The following MAST1 variants were observed in gnomAD, a reference collection of about 807,000 sequenced individuals.
The protein encoded by MAST1 is microtubule-associated serine/threonine-protein kinase 1.
In MAST1, 40 loss-of-function variants were observed where a neutral mutation model predicts 124.6. The observed-to-expected ratio is 0.32, with a 90% CI of 0.25 to 0.42. MAST1 has a LOEUF of 0.42. Among genes scored for constraint, MAST1 ranks in the 10% least tolerant of loss-of-function variants. The pLI, the probability that MAST1 is intolerant of heterozygous loss-of-function variation, is 1.00. For synonymous variants in MAST1, 938 were observed against 939.4 expected (o/e 1.00, Z 0.03); for missense variants, 1,558 against 2,181.9 (o/e 0.71, Z 5.70).
At position 12,841,023 on chromosome 19, in the gene MAST1, T is replaced by TC. The variant is rs1380941808; in HGVS notation, c.210dup (p.Asn71GlnfsTer167). The TC allele has an allele frequency of 2.0e-6, 3 of 1,485,358 alleles. No individual in the cohort carries two copies. Among genetic ancestry groups the TC allele is most frequent in the Non-Finnish European group, 1.9e-6 (2 of 1,062,738 alleles). 92.0% of individuals were successfully genotyped at this position (1,485,358 alleles called of 1,614,324 possible). On this transcript the variant is annotated frameshift_variant, in exon 3 of 26. Coordinates refer to ENST00000251472, the MANE Select transcript of MAST1 (RefSeq NM_014975.3). LOFTEE classifies it high-confidence loss of function. This position sits in a 1 kb window ranked among gnomAD's most constrained non-coding sequence, Gnocchi z 4.3. Reference sequence around the variant, plus strand: ...TCCCCTGGACAGCCCCCGAAACTTCTCCCCCAACACCCCCGCCCACTTCTC... The same window carrying TC: ...TCCCCTGGACAGCCCCCGAAACTTCTCCCCCCAACACCCCCGCCCACTTCTC...
chr19:12,872,186 C>T (rs1221719635), intron 24 of MAST1, among the ~76,000 whole-genome samples: 1 of 152,128 alleles, frequency 6.6e-6, no homozygotes, highest in African/African-American at 2.4e-5. Flanking sequence ...AAGGTTCAGC[C>T]AACTGAAATC....
At position 12,874,894 on chromosome 19, in the gene MAST1, C is replaced by T. The variant is rs753797261; in HGVS notation, c.*24C>T. 8 of 1,578,318 alleles carry T rather than the reference C, an allele frequency of 5.1e-6. No individual in the cohort carries two copies. Among genetic ancestry groups the T allele is most frequent in the Middle Eastern group, 1.7e-4 (1 of 6,042 alleles). On this transcript the variant is annotated 3_prime_UTR_variant, in exon 26 of 26. Transcript: ENST00000251472. This position sits in a 1 kb window ranked among gnomAD's most constrained non-coding sequence, Gnocchi z 6.6. ...AGCCAAGGGGGTCATCGGCCCCGCG[C>T]TGTACAGCCTCCGTATACATATGTA...
rs1970225437 is a variant in MAST1, at chr19:12,870,889, G to T, written c.3069G>T (p.Val1023=). The stretch of plus-strand genomic sequence containing the variant: ...GTGCTGGGGACCTCATCACCCACGT[G>T]AATGGGGAGCCTGTGCATGGCATGG... The part of the protein sequence containing the change: ...GLCAGDLITH[V]NGEPVHGMVH... Residue 1023 remains valine, a synonymous_variant, in exon 23 of 26, where the codon GTG becomes GTT. Transcript: ENST00000251472. 1 of 1,613,944 alleles carries T rather than the reference G, an allele frequency of 6.2e-7. No individual in the cohort carries two copies. Among genetic ancestry groups the T allele is most frequent in the Admixed American group, 1.7e-5 (1 of 59,990 alleles).
At chr19:12,840,407 G>GCGGCC in intron 1 of MAST1, 39 bp from the exon 2 acceptor site, 2 of 1,383,066 alleles carry the variant, frequency 1.4e-6, no homozygotes, top group Non-Finnish European at 2.0e-6. Flanking sequence ...TCACTGGGCT[G>GCGGCC]CGGCCCGGCC....
Position 12,868,699 on chromosome 19 carries a change from G to A in MAST1, c.2623G>A (p.Gly875Ser). Reference protein sequence around the residue: ...CPPSKDGDASGPRATNDLVLR... With the variant: ...CPPSKDGDASSPRATNDLVLR... ...ACCCTCGAAGGATGGGGATGCATCAGGCCCAAGGGCTACCAATGACTTGGT... is the reference window on the plus strand; with the variant it reads ...ACCCTCGAAGGATGGGGATGCATCAAGCCCAAGGGCTACCAATGACTTGGT... The change falls in exon 21 of 26, where the codon GGC becomes AGC. Residue 875 changes from glycine (G) to serine (S), a missense_variant. By Grantham distance (56) the Gly-to-Ser change is moderately conservative. Transcript: ENST00000251472. 2 of 1,612,814 alleles carry A rather than the reference G, an allele frequency of 1.2e-6. No homozygotes were observed. The highest frequency in any genetic ancestry group is 1.7e-6 in the Non-Finnish European group (2 of 1,179,138).
Position 12,865,803 on chromosome 19 carries a change from G to C in MAST1, c.1891G>C (p.Val631Leu). The change falls in exon 16 of 26, where the codon GTC (valine) becomes CTC (leucine). Residue 631 changes from valine (V) to leucine (L), a missense_variant. Physicochemically the swap from Val to Leu is conservative, Grantham distance 32 (BLOSUM62 1). Transcript: ENST00000251472. The surrounding 1 kb of genome is among the most constrained non-coding windows in gnomAD (Gnocchi z 7.1). ...CAGCCTCCTGCAGACCAACCCTCTGGTCAGGCTTGGGGCAGGTAAGTCCGC... is the reference window on the plus strand; with the variant it reads ...CAGCCTCCTGCAGACCAACCCTCTGCTCAGGCTTGGGGCAGGTAAGTCCGC... ...ISSLLQTNPL[V>L]RLGAGGAFEV... 6.2e-7 allele frequency: 1 copy of C among 1,613,736 alleles called. No individual in the cohort carries two copies. The highest frequency in any genetic ancestry group is 8.5e-7 in the Non-Finnish European group (1 of 1,179,878).
Position 12,874,580 on chromosome 19 carries a change from C to A in MAST1, c.4423C>A (p.Arg1475=). ...PLAPSVPEAP[R]GRERWVLEVV... ...GGCGCCTTCCGTGCCCGAGGCCCCC[C>A]GGGGCCGGGAGCGCTGGGTGTTGGA... is the stretch of plus-strand genomic sequence containing the variant. Residue 1475 remains arginine, a synonymous_variant, in exon 26 of 26, where the codon CGG becomes AGG. Transcript: ENST00000251472. This position sits in a 1 kb window ranked among gnomAD's most constrained non-coding sequence, Gnocchi z 6.6. 1 of 1,507,604 alleles carries A rather than the reference C, an allele frequency of 6.6e-7. No homozygotes were observed. The allele number at this position is 1,507,604 out of a possible 1,614,324, so 93.4% of individuals were successfully genotyped here. A position where few individuals can be genotyped will look rare whatever the true frequency, so the allele number is the denominator to read the frequency against.
chr19:12,838,580 A>T lies in MAST1; in HGVS notation c.8A>T (p.Asp3Val). The T allele has an allele frequency of 1.3e-6, 2 of 1,582,054 alleles. No homozygotes were observed. Among genetic ancestry groups the T allele is most frequent in the Non-Finnish European group, 8.6e-7 (1 of 1,166,386 alleles). ...TGTCGCCGCCGCCGGGTCATGTCTG[A>T]CTCTCTCTGGACCGCGCTTTCTAAT... MS[D>V]SLWTALSNFS... The change falls in exon 1 of 26, where the codon GAC becomes GTC. Residue 3 changes from aspartate to valine, a missense_variant. Coordinates refer to ENST00000251472, the MANE Select transcript of MAST1 (RefSeq NM_014975.3). This position sits in a 1 kb window ranked among gnomAD's most constrained non-coding sequence, Gnocchi z 4.3.
chr19:12,853,423 G>A (rs971023625), intron 10 of MAST1, among the ~76,000 whole-genome samples: 3 of 151,704 alleles, frequency 2.0e-5, no homozygotes, highest in African/African-American at 7.3e-5. Flanking sequence ...GGGCGTGGTG[G>A]TGCACCCCTG....
At position 12,866,579 on chromosome 19, in the gene MAST1, G is replaced by A; in HGVS notation, c.2030-74G>A. ...GACTTGTAAACCCGTCTTGAACCAG[G>A]ACTGGGCTCCTGTGGGGATGTGATA... On this transcript the variant is annotated intron_variant, in intron 17 of 25. Transcript: ENST00000251472. This position sits in a 1 kb window ranked among gnomAD's most constrained non-coding sequence, Gnocchi z 5.2. The A allele has an allele frequency of 1.3e-5, 12 of 956,330 alleles. 1 individual carries two copies. In the South Asian group the frequency reaches 1.7e-4, roughly 13 times the overall value. The allele number at this position is 956,330 out of a possible 1,614,324, so 59.2% of individuals were successfully genotyped here. A position where few individuals can be genotyped will look rare whatever the true frequency, so the allele number is the denominator to read the frequency against.
At chr19:12,869,330 T>A in intron 22 of MAST1, 35 bp downstream of exon 22, 1 of 1,567,520 alleles carries the variant, frequency 6.4e-7, no homozygotes, top group Non-Finnish European at 8.7e-7. Flanking sequence ...CATCACAGAG[T>A]GGAGGGTGGT....
chr19:12,854,518 G>A (rs1969998409), intron 10 of MAST1, among the ~76,000 whole-genome samples: 1 of 152,182 alleles, frequency 6.6e-6, no homozygotes, highest in Non-Finnish European at 1.5e-5. Context: ...GTTTATCCAT[G>A]TTGTAGCTTG....
Position 12,867,863 on chromosome 19 carries a change from C to A in MAST1, c.2452C>A (p.Arg818=), listed in dbSNP as rs1299610161. The A allele has an allele frequency of 1.2e-6, 2 of 1,607,058 alleles. No individual in the cohort carries two copies. The highest frequency in any genetic ancestry group is 4.5e-5 in the East Asian group (2 of 44,608). Reference sequence around the variant, plus strand: ...CCCCCAAGAGGACGAGGATGAGGCCCGGCTGCGCAGGCCTCCCCGGCCCAG... The same window carrying A: ...CCCCCAAGAGGACGAGGATGAGGCCAGGCTGCGCAGGCCTCCCCGGCCCAG... ...SAPQEDEDEA[R]LRRPPRPSSD... The change falls in exon 20 of 26, where the codon CGG becomes AGG. Residue 818 remains arginine (R), a synonymous_variant. Coordinates refer to ENST00000251472, the MANE Select transcript of MAST1 (RefSeq NM_014975.3).
rs756392687 is a variant in MAST1, at chr19:12,843,531, C to T, written c.251C>T (p.Ala84Val). The T allele has an allele frequency of 6.2e-6, 10 of 1,613,120 alleles. No individual in the cohort carries two copies. The highest frequency in any genetic ancestry group is 2.2e-5 in the East Asian group (1 of 44,838). ...AHFSFASSRR[A>V]DGRRWSLASL... ...TGAGCACCTTGGCTGGGTTCCAGGGCGGACGGACGCCGGTGGTCTCTGGCC... is the reference window on the plus strand; with the variant it reads ...TGAGCACCTTGGCTGGGTTCCAGGGTGGACGGACGCCGGTGGTCTCTGGCC... The change falls in exon 4 of 26, where the codon GCG becomes GTG. Residue 84 changes from alanine (A) to valine (V), a missense_variant and splice_region_variant. This residue lies in a region of MAST1 where 165 missense variants were observed against 315.3 expected (regional missense o/e 0.52). Coordinates refer to ENST00000251472, the MANE Select transcript of MAST1 (RefSeq NM_014975.3). The surrounding 1 kb of genome is among the most constrained non-coding windows in gnomAD (Gnocchi z 4.9).
rs1487034273 is a variant in MAST1, at chr19:12,874,032, C to T, written c.3875C>T (p.Pro1292Leu). The T allele has an allele frequency of 6.2e-7, 1 of 1,605,418 alleles. No homozygotes were observed. The highest frequency in any genetic ancestry group is 1.3e-5 in the African/African-American group (1 of 75,042). ...AAACACAGCCTCGAGGTGGGCCACCCGGATTTCCGCAAGGACTTCCATGGC... is the reference window on the plus strand; with the variant it reads ...AAACACAGCCTCGAGGTGGGCCACCTGGATTTCCGCAAGGACTTCCATGGC... ...LRKHSLEVGH[P>L]DFRKDFHGEL... The change falls in exon 26 of 26, where the codon CCG (proline) becomes CTG (leucine). Residue 1292 changes from proline to leucine, a missense_variant. Physicochemically the swap from Pro to Leu is moderately conservative, Grantham distance 98. Coordinates refer to ENST00000251472, the MANE Select transcript of MAST1 (RefSeq NM_014975.3). The surrounding 1 kb of genome is among the most constrained non-coding windows in gnomAD (Gnocchi z 6.6).
At chr19:12,854,498 C>T (rs749080582) in intron 10 of MAST1, among the ~76,000 whole-genome samples, 70 of 152,238 alleles carry the variant, frequency 4.6e-4, no homozygotes, top group African/African-American at 1.4e-3. Flanking sequence ...CTTAACATAA[C>T]GTTTCTGAGG....
chr19:12,868,101 G>A (rs1197676195), intron 20 of MAST1, 124 bp downstream of exon 20: 1 of 684,874 alleles, frequency 1.5e-6, no homozygotes, highest in Non-Finnish European at 1.9e-6. Context: ...TTGCAATTTG[G>A]GATTTTTTTT....
At chr19:12,871,306 G>C in intron 24 of MAST1, 134 bp downstream of exon 24, 1 of 1,355,904 alleles carries the variant, frequency 7.4e-7, no homozygotes, top group South Asian at 1.4e-5. Flanking sequence ...AAAGGGAAGA[G>C]GACAATTAAG....
At chr19:12,871,913 CAAAAAAAAAAA>C (rs34674708) in intron 24 of MAST1, among the ~76,000 whole-genome samples, 11 of 61,052 alleles carry the variant, frequency 1.8e-4, no homozygotes, top group African/African-American at 3.8e-4. Context: ...TAGACTCTTT[CAAAAAAAAAAA>C]AAAAAAAAAA....
Sources: allele counts gnomAD v4.1 joint callset (sites outside exome capture counted in the v4.1 genomes callset), GRCh38; gene constraint gnomAD v4.1.1; regional missense constraint gnomAD v4.1.1; non-coding constraint Gnocchi (gnomAD v3.1); transcripts MANE v1.5; gene names NCBI Gene and HGNC (gene_info 2026-07-23, HGNC 2026-07-21).